Variants in TMEM41B observed in about 807,000 individuals in gnomAD.
TMEM41B encodes transmembrane protein 41B.
TMEM41B carries 18 observed loss-of-function variants against 31.9 expected under a neutral mutation model. That is an observed-to-expected ratio of 0.56 (90% confidence interval 0.39 to 0.84). The LOEUF (loss-of-function observed/expected upper bound fraction) is 0.84. Ranked by LOEUF, TMEM41B falls within the 40% of genes least tolerant of loss-of-function variation. The pLI, the probability that TMEM41B is intolerant of heterozygous loss-of-function variation, is 0.00. For missense variants in TMEM41B, 322 were observed against 348.0 expected (o/e 0.93, Z 0.59); for synonymous variants, 144 against 124.3 (o/e 1.16, Z -1.05).
intron 1 of TMEM41B, chr11:9,311,352 A>G: frequency 6.6e-7 from 1 of 1,504,564 alleles, no homozygotes; most frequent in Non-Finnish European, 9.2e-7. Flanking sequence ...AGCTTTCTTC[A>G]TTTTCTTCTG....
chr11:9,314,232 G>C, intron 1 of TMEM41B, 89 bp downstream of exon 1: 20 of 1,415,320 alleles, frequency 1.4e-5, no homozygotes, highest in Non-Finnish European at 1.9e-5. Flanking sequence ...CTTTCCCCGC[G>C]ACTCTCCGAG....
At chr11:9,294,651 A>G (rs1051398865) in intron 3 of TMEM41B, among the ~76,000 whole-genome samples, 2 of 152,138 alleles carry the variant, frequency 1.3e-5, no homozygotes, top group Non-Finnish European at 2.9e-5. Context: ...AATATGCAAA[A>G]TTAAGCACCC....
intron 1 of TMEM41B, among the ~76,000 whole-genome samples, chr11:9,312,279 G>A (rs1853577721): frequency 6.6e-6 from 1 of 152,234 alleles, no homozygotes; most frequent in African/African-American, 2.4e-5. Flanking sequence ...AGCATTTGGG[G>A]AGGCCAAGGC....
intron 5 of TMEM41B, among the ~76,000 whole-genome samples, chr11:9,286,889 A>G (rs1397765621): frequency 6.6e-6 from 1 of 152,036 alleles, no homozygotes; most frequent in Admixed American, 6.6e-5. Context: ...AATCCTAGCT[A>G]CTTGGGAGGC....
At chr11:9,292,633 C>T (rs1852984416) in intron 3 of TMEM41B, among the ~76,000 whole-genome samples, 1 of 151,964 alleles carries the variant, frequency 6.6e-6, no homozygotes, top group South Asian at 2.1e-4. Flanking sequence ...CAGTTCGAGA[C>T]CAGCCTGGGC....
chr11:9,296,103 C>T (rs918866543), intron 2 of TMEM41B, among the ~76,000 whole-genome samples: 1 of 147,462 alleles, frequency 6.8e-6, no homozygotes, highest in Admixed American at 6.7e-5. Flanking sequence ...GTGATCCACC[C>T]GCCTTGGCCT....
At chr11:9,311,179 G>T in intron 1 of TMEM41B, 1 of 1,308,358 alleles carries the variant, frequency 7.6e-7, no homozygotes, top group Non-Finnish European at 1.0e-6. Flanking sequence ...GTAGGGTGTG[G>T]GGAGCACAAG....
chr11:9,313,684 T>G (rs1245193510), intron 1 of TMEM41B, among the ~76,000 whole-genome samples: 1 of 152,216 alleles, frequency 6.6e-6, no homozygotes, highest in East Asian at 1.9e-4. Context: ...TAATATTTAT[T>G]TAGCCCCCAC....
At chr11:9,284,742 G>A (rs941681240) in intron 6 of TMEM41B, among the ~76,000 whole-genome samples, 9 of 145,818 alleles carry the variant, frequency 6.2e-5, no homozygotes, top group African/African-American at 2.0e-4. Flanking sequence ...CAGCCTGGGC[G>A]ACAGAGAGAG....
chr11:9,313,382 G>T (rs1853609549), intron 1 of TMEM41B, among the ~76,000 whole-genome samples: 1 of 152,182 alleles, frequency 6.6e-6, no homozygotes, highest in Non-Finnish European at 1.5e-5. Flanking sequence ...ATCACTGGTG[G>T]TGGAACACAC....
At chr11:9,285,694 G>A (rs1407036242) in intron 6 of TMEM41B, among the ~76,000 whole-genome samples, 3 of 150,406 alleles carry the variant, frequency 2.0e-5, no homozygotes, top group Admixed American at 6.7e-5. Context: ...TAACATCCGC[G>A]ATAAAAGCTG....
At chr11:9,298,773 AAG>A (rs1853163264) in intron 2 of TMEM41B, among the ~76,000 whole-genome samples, 1 of 69,306 alleles carries the variant, frequency 1.4e-5, no homozygotes, top group Non-Finnish European at 3.6e-5. Flanking sequence ...ATCTCAAATG[AAG>A]AAAAAAAAAA....
intron 1 of TMEM41B, among the ~76,000 whole-genome samples, chr11:9,308,387 G>A (rs1307564380): frequency 7.2e-5 from 11 of 152,100 alleles, no homozygotes; most frequent in Admixed American, 5.2e-4. Flanking sequence ...TTAAGATGGA[G>A]AACTTGCTAA....
At chr11:9,309,996 T>C (rs1281988940) in intron 1 of TMEM41B, among the ~76,000 whole-genome samples, 4 of 151,926 alleles carry the variant, frequency 2.6e-5, no homozygotes, top group Admixed American at 6.6e-5. Flanking sequence ...GACAGTGTTT[T>C]TCAATCTTTT....
rs1853636928 is a variant in TMEM41B, at chr11:9,314,317, T to C, written c.121+4A>G. 6.3e-7 allele frequency: 1 copy of C among 1,596,944 alleles called. No individual in the cohort carries two copies. The highest frequency in any genetic ancestry group is 8.5e-7 in the Non-Finnish European group (1 of 1,176,626). ...CCCCAGCTCTGCTCCCCGGGCCCACTCACCCTTCTGGTGGTCTCTGCTGCC... is the reference window on the plus strand; with the variant it reads ...CCCCAGCTCTGCTCCCCGGGCCCACCCACCCTTCTGGTGGTCTCTGCTGCC... On this transcript the variant is annotated splice_donor_region_variant and intron_variant, in intron 1 of 6. Transcript: ENST00000528080.
chr11:9,308,838 G>A (rs757828618), intron 1 of TMEM41B, among the ~76,000 whole-genome samples: 3 of 152,288 alleles, frequency 2.0e-5, no homozygotes, highest in Non-Finnish European at 2.9e-5. Flanking sequence ...GACTTCATCC[G>A]TAATACTAGG....
Position 9,283,298 on chromosome 11 carries a change from G to T in TMEM41B, c.*126C>A. 2.7e-6 allele frequency: 2 copies of T among 751,854 alleles called. No homozygotes were observed. Among genetic ancestry groups the T allele is most frequent in the Non-Finnish European group, 4.1e-6 (2 of 485,554 alleles). The allele number at this position is 751,854 out of a possible 1,614,324, so 46.6% of individuals were successfully genotyped here. On this transcript the variant is annotated 3_prime_UTR_variant, in exon 7 of 7. Transcript: ENST00000528080. ...CTTAAATGTATTACTTTAACTATCT[G>T]ATAGGAAATTTTATTTTACAAATTC... is the stretch of plus-strand genomic sequence containing the variant.
chr11:9,288,823 T>C (rs1205400326), intron 3 of TMEM41B, among the ~76,000 whole-genome samples: 1 of 152,186 alleles, frequency 6.6e-6, no homozygotes, highest in Non-Finnish European at 1.5e-5. Context: ...AATCTTTTAG[T>C]GCTTCTCTAA....
chr11:9,314,087 C>T (rs1371212442), intron 1 of TMEM41B, among the ~76,000 whole-genome samples: 1 of 152,202 alleles, frequency 6.6e-6, no homozygotes, highest in Non-Finnish European at 1.5e-5. Flanking sequence ...CCAGTGTCAT[C>T]CCTTCTTTTA....
Sources: gnomAD v4.1 joint callset for allele counts (sites outside exome capture counted in the v4.1 genomes callset) on GRCh38, gnomAD v4.1.1 for gene constraint, MANE v1.5 for transcripts, NCBI Gene and HGNC (gene_info 2026-07-23, HGNC 2026-07-21) for gene names.